SEL1L: variants seen among roughly 807,000 people sequenced by gnomAD.
SEL1L encodes the protein protein sel-1 homolog 1.
A neutral mutation model predicts 109.8 loss-of-function variants in SEL1L; 52 were observed. The observed-to-expected ratio is 0.47, with a 90% confidence interval of 0.38 to 0.60. SEL1L has a LOEUF of 0.60. SEL1L is among the 20% of genes least tolerant of loss of function. The probability of loss-of-function intolerance (pLI) is 0.00; values close to 1 mark genes in which losing one functional copy is unlikely to be tolerated. For synonymous variants in SEL1L, 373 were observed against 339.6 expected, an observed-to-expected ratio of 1.10 and a Z score of -1.08; for missense variants, 749 against 962.2, an observed-to-expected ratio of 0.78 and a Z score of 2.93.
In SEL1L at chr14:81,474,303, AAT is replaced by A. The variant is rs1903095365; in HGVS notation, c.*2667_*2668del. On this transcript the variant is annotated 3_prime_UTR_variant, in exon 21 of 21. Transcript: ENST00000336735. ...GTAAAATAAAACTAGAAGCAAAATG[AAT>A]AGTTTCAAGACAGTCGGCTAACCAA... 6.6e-6 allele frequency: 1 copy of A among 151,970 alleles called. No individual in the cohort carries two copies. The highest frequency in any genetic ancestry group is 1.9e-4 in the East Asian group (1 of 5,196). 9.4% of individuals were successfully genotyped at this position (151,970 alleles called of 1,614,324 possible).
intron 3 of SEL1L, among the ~76,000 whole-genome samples, chr14:81,517,396 T>C (rs1189676425): frequency 1.3e-5 from 2 of 152,210 alleles, no homozygotes; most frequent in African/African-American, 2.4e-5. Flanking sequence ...AAGTTTGAAC[T>C]GCTCTCTTTA....
At chr14:81,489,378 A>G in intron 13 of SEL1L, 64 bp from the exon 14 acceptor site, 2 of 1,270,446 alleles carry the variant, frequency 1.6e-6, no homozygotes, top group Non-Finnish European at 2.3e-6. Context: ...GCAAGAATAA[A>G]TAACTGCAAA....
chr14:81,487,330 G>T, intron 16 of SEL1L, 60 bp downstream of exon 16: 4 of 1,470,162 alleles, frequency 2.7e-6, no homozygotes, highest in Non-Finnish European at 2.7e-6. Flanking sequence ...AATTGAAAGC[G>T]CAGACTTTCC....
rs117827806 is a variant in SEL1L at position 81,496,683 on chromosome 14, C to T, written c.1128+1209G>A. Reference sequence around the variant, plus strand: ...TGAACCCGGGAAGCGGAGGTTGCAGCGAGCTGAGATAGTGGCACTGGGCAA... The same window carrying T: ...TGAACCCGGGAAGCGGAGGTTGCAGTGAGCTGAGATAGTGGCACTGGGCAA... On this transcript the variant is annotated intron_variant, in intron 10 of 20. Coordinates refer to ENST00000336735, the MANE Select transcript of SEL1L (RefSeq NM_005065.6). Among the ~76,000 whole-genome samples, 937 of 151,940 alleles carry T rather than the reference C, an allele frequency of 6.2e-3. 24 individuals are homozygous for T. The highest frequency in any genetic ancestry group is 0.037 in the East Asian group (192 of 5,186).
At chr14:81,527,678 C>T (rs1226140126) in intron 2 of SEL1L, 23 bp downstream of exon 2, 4 of 1,567,698 alleles carry the variant, frequency 2.6e-6, no homozygotes, top group Non-Finnish European at 3.5e-6. Flanking sequence ...CAAATACTGG[C>T]CAATACACAT....
chr14:81,500,530 C>A (rs1663974885), intron 6 of SEL1L, among the ~76,000 whole-genome samples: 1 of 152,168 alleles, frequency 6.6e-6, no homozygotes, highest in South Asian at 2.1e-4. Context: ...GCCACCACGC[C>A]CAGCCAAATG....
At chr14:81,490,243 T>C (rs1883485871) in intron 13 of SEL1L, 145 bp downstream of exon 13, 11 of 589,790 alleles carry the variant, frequency 1.9e-5, no homozygotes, top group East Asian at 6.6e-5. Context: ...GTTTAATTAA[T>C]ACATTCACAT....
chr14:81,518,998 A>G (rs1566624746), intron 3 of SEL1L, among the ~76,000 whole-genome samples: 1 of 152,172 alleles, frequency 6.6e-6, no homozygotes, highest in Non-Finnish European at 1.5e-5. Context: ...AGATTTCTGG[A>G]GAGTTCTCAC....
chr14:81,478,499 A>C (rs1312717039), intron 20 of SEL1L, among the ~76,000 whole-genome samples: 1 of 152,260 alleles, frequency 6.6e-6, no homozygotes, highest in Non-Finnish European at 1.5e-5. Flanking sequence ...ACCAACAGTT[A>C]GTAATAAAAA....
In SEL1L at chr14:81,499,467, T is replaced by G. The variant is rs760788786; in HGVS notation, c.883A>C (p.Met295Leu). 13 of 1,611,706 alleles carry G rather than the reference T, an allele frequency of 8.1e-6. No homozygotes were observed. Among genetic ancestry groups the G allele is most frequent in the Middle Eastern group, 1.7e-4 (1 of 5,764 alleles). The change falls in exon 8 of 21, where the codon ATG (methionine) becomes CTG (leucine). Residue 295 changes from methionine (M) to leucine (L), a missense_variant. By Grantham distance (15) the Met-to-Leu change is conservative. Coordinates refer to ENST00000336735, the MANE Select transcript of SEL1L (RefSeq NM_005065.6). ...CACTAAAGTCTACTTACCAAAACCATGTGGGCTATTAGATTGCCCCCAAGA... is the reference window on the plus strand; with the variant it reads ...CACTAAAGTCTACTTACCAAAACCAGGTGGGCTATTAGATTGCCCCCAAGA... ...GALGGNLIAH[M>L]VLGYRYWAGI...
chr14:81,489,030 CTCT>C (rs1316483857), intron 14 of SEL1L: 2 of 555,826 alleles, frequency 3.6e-6, no homozygotes, highest in Non-Finnish European at 6.3e-6. Flanking sequence ...AACTCCATAC[CTCT>C]GGGAGAAAGT....
intron 18 of SEL1L, 41 bp from the exon 19 acceptor site, chr14:81,484,438 T>C (rs1023121154): frequency 6.3e-7 from 1 of 1,578,784 alleles, no homozygotes; most frequent in Admixed American, 1.7e-5. Context: ...ATAAATAAAG[T>C]ATGTTTAAAA....
chr14:81,515,166 C>A (rs151215621), intron 3 of SEL1L, among the ~76,000 whole-genome samples: 201 of 152,274 alleles, frequency 1.3e-3, no homozygotes, highest in Non-Finnish European at 9.0e-4. Context: ...CCCCCACAGG[C>A]TATTGGTTAT....
intron 1 of SEL1L, among the ~76,000 whole-genome samples, chr14:81,533,022 A>G (rs1885394811): frequency 1.3e-5 from 2 of 152,234 alleles, no homozygotes. Flanking sequence ...TTCTGTATCT[A>G]TATAAAACGC....
intron 12 of SEL1L, among the ~76,000 whole-genome samples, chr14:81,491,171 G>A (rs79164795): frequency 0.049 from 7,425 of 152,184 alleles, 590 homozygotes; most frequent in African/African-American, 0.16. Context: ...AGCTGCTTGC[G>A]GCATTCATTC....
intron 18 of SEL1L, among the ~76,000 whole-genome samples, chr14:81,485,190 T>C (rs1903480421): frequency 6.6e-6 from 1 of 152,198 alleles, no homozygotes; most frequent in African/African-American, 2.4e-5. Context: ...TACAACCCAA[T>C]TTAGAAACTC....
Position 81,528,630 on chromosome 14 carries a change from T to C in SEL1L, c.71-892A>G, listed in dbSNP as rs185410028. On this transcript the variant is annotated intron_variant, in intron 1 of 20. Coordinates refer to ENST00000336735, the MANE Select transcript of SEL1L (RefSeq NM_005065.6). ...TTAAAACAGCGAATCTGTCAGATCA[T>C]CTTTAAGTTTCCCTCTTGCTCTTAA... Among the ~76,000 whole-genome samples, 139 of 152,292 alleles carry C rather than the reference T, an allele frequency of 9.1e-4. 1 individual carries two copies. The highest frequency in any genetic ancestry group is 2.4e-4 in the Non-Finnish European group (16 of 67,984).
chr14:81,500,624 C>T (rs1883965334), intron 6 of SEL1L, among the ~76,000 whole-genome samples: 2 of 152,098 alleles, frequency 1.3e-5, no homozygotes, highest in Admixed American at 1.3e-4. Flanking sequence ...GTAAACATGA[C>T]TTTATCTTTA....
chr14:81,525,013 T>C (rs1476359381), intron 3 of SEL1L, among the ~76,000 whole-genome samples: 1 of 152,122 alleles, frequency 6.6e-6, no homozygotes, highest in Non-Finnish European at 1.5e-5. Flanking sequence ...GTCTGGGTAT[T>C]AGGTAATAAA....
Sources: gnomAD v4.1 joint callset for allele counts (sites outside exome capture counted in the v4.1 genomes callset) on GRCh38, gnomAD v4.1.1 for gene constraint, MANE v1.5 for transcripts, NCBI Gene and HGNC (gene_info 2026-07-23, HGNC 2026-07-21) for gene names.